The following RFX3 variants were observed in gnomAD, a reference collection of about 807,000 sequenced individuals.
The protein encoded by RFX3 is transcription factor RFX3.
Under a neutral mutation model 98.6 loss-of-function variants are expected in RFX3, and 14 were observed. That is an observed-to-expected ratio of 0.14 (90% confidence interval 0.09 to 0.22). The LOEUF is 0.22. Among genes scored for constraint, RFX3 ranks in the 10% least tolerant of loss-of-function variants. The probability of loss-of-function intolerance (pLI) is 1.00; values close to 1 mark genes in which losing one functional copy is unlikely to be tolerated. For missense variants in RFX3, 639 were observed against 926.9 expected (o/e 0.69, Z 4.03); for synonymous variants, 383 against 328.4 (o/e 1.17, Z -1.80).
chr9:3,508,664 G>C (rs1817357594), intron 1 of RFX3, among the ~76,000 whole-genome samples: 1 of 151,850 alleles, frequency 6.6e-6, no homozygotes, highest in African/African-American at 2.4e-5. Context: ...TTTACAAGAA[G>C]GTTTATCTGT....
intron 6 of RFX3, among the ~76,000 whole-genome samples, chr9:3,291,329 G>A (rs1192901311): frequency 6.6e-6 from 1 of 151,920 alleles, no homozygotes; most frequent in Non-Finnish European, 1.5e-5. Flanking sequence ...CTGAGATTGG[G>A]GCACTGCACT....
intron 3 of RFX3, among the ~76,000 whole-genome samples, chr9:3,345,202 A>G (rs1834323772): frequency 6.6e-6 from 1 of 152,126 alleles, no homozygotes. Context: ...GTCTGTCTAT[A>G]AAGATCACAC....
chr9:3,394,577 C>T (rs1227320813), intron 2 of RFX3, among the ~76,000 whole-genome samples: 1 of 152,174 alleles, frequency 6.6e-6, no homozygotes, highest in African/African-American at 2.4e-5. Flanking sequence ...ATTCTATATC[C>T]TGTAAAGAAT....
intron 4 of RFX3, among the ~76,000 whole-genome samples, chr9:3,317,861 G>C (rs1045789134): frequency 3.3e-5 from 5 of 152,152 alleles, no homozygotes; most frequent in African/African-American, 7.2e-5. Context: ...TCATTAAAAA[G>C]TCAGGAAACA....
At chr9:3,258,775 C>G (rs573657565) in intron 13 of RFX3, among the ~76,000 whole-genome samples, 386 of 151,726 alleles carry the variant, frequency 2.5e-3, no homozygotes, top group Middle Eastern at 6.9e-3. Context: ...TTTTCACATG[C>G]ATATAGAAAT....
chr9:3,361,977 C>A (rs1836510108), intron 2 of RFX3, among the ~76,000 whole-genome samples: 1 of 151,938 alleles, frequency 6.6e-6, no homozygotes, highest in African/African-American at 2.4e-5. Flanking sequence ...TAAAATAAGT[C>A]ACAGGCTATT....
intron 1 of RFX3, among the ~76,000 whole-genome samples, chr9:3,470,205 G>A (rs920951515): frequency 1.3e-5 from 2 of 152,082 alleles, no homozygotes; most frequent in Non-Finnish European, 1.5e-5. Flanking sequence ...ATAGCTATGT[G>A]GCCACAAAAT....
intron 7 of RFX3, among the ~76,000 whole-genome samples, chr9:3,286,920 G>A (rs1826682523): frequency 6.6e-6 from 1 of 151,824 alleles, no homozygotes; most frequent in South Asian, 2.1e-4. Context: ...CCTACTCAAA[G>A]AGCACTTTCT....
chr9:3,460,017 G>GA (rs926806894), intron 1 of RFX3, among the ~76,000 whole-genome samples: 4 of 150,934 alleles, frequency 2.7e-5, no homozygotes, highest in Admixed American at 6.6e-5. Flanking sequence ...ACATGATGGA[G>GA]AAAAAAAAAC....
chr9:3,259,875 T>G (rs1478251091), intron 13 of RFX3, among the ~76,000 whole-genome samples: 2 of 152,086 alleles, frequency 1.3e-5, no homozygotes, highest in African/African-American at 2.4e-5. Context: ...TTGACACACA[T>G]GTAATTTCAT....
intron 14 of RFX3, among the ~76,000 whole-genome samples, chr9:3,254,255 G>C (rs1461829472): frequency 6.7e-6 from 1 of 149,056 alleles, no homozygotes; most frequent in Admixed American, 6.7e-5. Flanking sequence ...TTTCTAAAAT[G>C]ACATCAACTA....
At chr9:3,378,400 G>A (rs1838783264) in intron 2 of RFX3, among the ~76,000 whole-genome samples, 1 of 152,070 alleles carries the variant, frequency 6.6e-6, no homozygotes, top group Non-Finnish European at 1.5e-5. Context: ...AAAATGGAAA[G>A]TGTAACAAAC....
intron 2 of RFX3, among the ~76,000 whole-genome samples, chr9:3,377,074 C>T (rs1254032326): frequency 6.6e-6 from 1 of 152,170 alleles, no homozygotes; most frequent in East Asian, 1.9e-4. Flanking sequence ...TACCATTTGA[C>T]CCAGCCATCC....
chr9:3,504,899 ATT>A (rs1816686179), intron 1 of RFX3, among the ~76,000 whole-genome samples: 1 of 56,666 alleles, frequency 1.8e-5, no homozygotes, highest in Non-Finnish European at 2.6e-5. Flanking sequence ...TATAACATAT[ATT>A]ATATATATAT....
chr9:3,427,603 C>G (rs1299498482), intron 1 of RFX3, among the ~76,000 whole-genome samples: 1 of 151,416 alleles, frequency 6.6e-6, no homozygotes, highest in Non-Finnish European at 1.5e-5. Flanking sequence ...TAATTACTGT[C>G]TAAACACCCT....
intron 1 of RFX3, among the ~76,000 whole-genome samples, chr9:3,447,006 C>T (rs944311398): frequency 6.6e-6 from 1 of 152,042 alleles, no homozygotes; most frequent in Non-Finnish European, 1.5e-5. Flanking sequence ...TGGGTGACAA[C>T]AAAGCATTAC....
chr9:3,308,620 A>C (rs540513338), intron 4 of RFX3, among the ~76,000 whole-genome samples: 2 of 152,190 alleles, frequency 1.3e-5, no homozygotes, highest in Non-Finnish European at 2.9e-5. Context: ...ATCTCTTTGC[A>C]AGATGTCATA....
chr9:3,424,310 G>C (rs945493272), intron 1 of RFX3, among the ~76,000 whole-genome samples: 2 of 148,122 alleles, frequency 1.4e-5, no homozygotes, highest in Non-Finnish European at 3.0e-5. Context: ...CCACATTTGG[G>C]AATAGCAACA....
At chr9:3,493,549 T>C (rs1850876416) in intron 1 of RFX3, among the ~76,000 whole-genome samples, 1 of 151,554 alleles carries the variant, frequency 6.6e-6, no homozygotes, top group Non-Finnish European at 1.5e-5. Flanking sequence ...CCGGGCGTGG[T>C]GGCACGCGCC....
Sources: allele counts gnomAD v4.1 joint callset (sites outside exome capture counted in the v4.1 genomes callset), GRCh38; gene constraint gnomAD v4.1.1; transcripts MANE v1.5; gene names NCBI Gene and HGNC (gene_info 2026-07-23, HGNC 2026-07-21).